Variants in SLC28A3 observed in about 807,000 individuals in gnomAD.
SLC28A3 encodes solute carrier family 28 member 3.
SLC28A3 carries 68 observed loss-of-function variants against 84.2 expected under a neutral mutation model. That is an observed-to-expected ratio of 0.81 (90% CI 0.66 to 0.99). The LOEUF (loss-of-function observed/expected upper bound fraction) is 0.99. Among genes scored for constraint, SLC28A3 ranks in the 50% least tolerant of loss-of-function variants. The probability of loss-of-function intolerance (pLI) is 0.00; values close to 1 mark genes in which losing one functional copy is unlikely to be tolerated. For synonymous variants in SLC28A3, 267 were observed against 303.6 expected, an observed-to-expected ratio of 0.88 and a Z score of 1.25; for missense variants, 712 against 841.5, an observed-to-expected ratio of 0.85 and a Z score of 1.90.
Position 84,290,285 on chromosome 9 carries a change from G to A in SLC28A3, c.1024-6C>T. The A allele has an allele frequency of 1.2e-6, 2 of 1,613,736 alleles. No individual in the cohort carries two copies. The highest frequency in any genetic ancestry group is 1.7e-6 in the Non-Finnish European group (2 of 1,179,770). ...ACCAGCAGTGGAGACTCCGTCTGGAGACAAAGAAGGGTGACCAGATTCCTT... is the reference window on the plus strand; with the variant it reads ...ACCAGCAGTGGAGACTCCGTCTGGAAACAAAGAAGGGTGACCAGATTCCTT... On this transcript the variant is annotated splice_polypyrimidine_tract_variant and splice_region_variant and intron_variant, in intron 10 of 17. Transcript: ENST00000376238.
At position 84,292,756 on chromosome 9, in the gene SLC28A3, G is replaced by T; in HGVS notation, c.943-8C>A. On this transcript the variant is annotated splice_region_variant and splice_polypyrimidine_tract_variant and intron_variant, in intron 9 of 17. Transcript: ENST00000376238. Reference sequence around the variant, plus strand: ...TAGCATGATCCATCCAACCTAAAAGGAAGAAAGGGACAAAGTCAGCAAAGA... The same window carrying T: ...TAGCATGATCCATCCAACCTAAAAGTAAGAAAGGGACAAAGTCAGCAAAGA... 6.5e-7 allele frequency: 1 copy of T among 1,540,838 alleles called. No individual in the cohort carries two copies.
At chr9:84,319,687 G>A (rs948288167) in intron 1 of SLC28A3, among the ~76,000 whole-genome samples, 2 of 151,994 alleles carry the variant, frequency 1.3e-5, no homozygotes, top group East Asian at 1.9e-4. Flanking sequence ...CTAGTTTCCC[G>A]TTACTGTTCC....
intron 1 of SLC28A3, among the ~76,000 whole-genome samples, chr9:84,324,531 C>A (rs772453564): frequency 6.6e-6 from 1 of 151,784 alleles, no homozygotes; most frequent in South Asian, 2.1e-4. Flanking sequence ...ATAGTCCCAG[C>A]TACTTGGGAG....
intron 13 of SLC28A3, 37 bp from the exon 14 acceptor site, chr9:84,285,579 T>TTAGAAA (rs779021218): frequency 2.5e-6 from 4 of 1,610,218 alleles, no homozygotes; most frequent in Non-Finnish European, 3.4e-6. Flanking sequence ...ATTAGAATAG[T>TTAGAAA]GATTTGCTTT....
At chr9:84,285,125 A>T (rs1177990467) in intron 14 of SLC28A3, among the ~76,000 whole-genome samples, 1 of 152,258 alleles carries the variant, frequency 6.6e-6, no homozygotes, top group Non-Finnish European at 1.5e-5. Context: ...GGCAATGATT[A>T]GCTGTGTCTA....
intron 13 of SLC28A3, 101 bp from the exon 14 acceptor site, chr9:84,285,643 G>T: frequency 2.4e-6 from 3 of 1,256,982 alleles, no homozygotes; most frequent in Non-Finnish European, 1.1e-6. Context: ...TCTCCTTTAG[G>T]CAAAGAAATT....
chr9:84,284,246 A>T (rs1564145534), intron 14 of SLC28A3, among the ~76,000 whole-genome samples: 1 of 152,210 alleles, frequency 6.6e-6, no homozygotes, highest in African/African-American at 2.4e-5. Flanking sequence ...CAATGAGGAT[A>T]ATTGGCCAAG....
At chr9:84,331,609 C>T (rs1479560573) in intron 1 of SLC28A3, among the ~76,000 whole-genome samples, 1 of 152,102 alleles carries the variant, frequency 6.6e-6, no homozygotes, top group Non-Finnish European at 1.5e-5. Context: ...CAGCCTAGTC[C>T]TCTCCCAAGA....
the SLC28A3 span, among the ~76,000 whole-genome samples, chr9:84,358,258 G>T: frequency 6.6e-6 from 1 of 152,146 alleles, no homozygotes; most frequent in African/African-American, 2.4e-5. Context: ...GTGGCCGTGG[G>T]CTGCACAGCC....
At chr9:84,278,767 T>C (rs577874975) in intron 17 of SLC28A3, among the ~76,000 whole-genome samples, 25 of 152,070 alleles carry the variant, frequency 1.6e-4, no homozygotes, top group African/African-American at 5.5e-4. Context: ...AGGGTAGCAG[T>C]TAAGGGCATA....
intron 12 of SLC28A3, among the ~76,000 whole-genome samples, chr9:84,287,594 A>T (rs1825042823): frequency 1.3e-5 from 2 of 152,104 alleles, no homozygotes; most frequent in Admixed American, 6.6e-5. Flanking sequence ...GTATTAAACA[A>T]GATTTTGGCC....
At position 84,313,380 on chromosome 9, in the gene SLC28A3, C is replaced by T. The variant is rs372713666; in HGVS notation, c.135G>A (p.Arg45=). ...GTACCTGTTTGGTGTTTGTGTGCTC[C>T]CTGCTTTGCACAGCTCTGCTTCTTA... The part of the protein sequence containing the change: ...NSIRSRAVQS[R]EHTNTKQDEE... The change falls in exon 2 of 18, where the codon AGG becomes AGA. Residue 45 remains arginine (R), a synonymous_variant. Transcript: ENST00000376238. The T allele has an allele frequency of 3.1e-6, 5 of 1,614,050 alleles. No homozygotes were observed. The highest frequency in any genetic ancestry group is 3.4e-6 in the Non-Finnish European group (4 of 1,179,980).
chr9:84,343,626 A>G (rs549723748), upstream of SLC28A3, among the ~76,000 whole-genome samples: 8 of 152,348 alleles, frequency 5.3e-5, no homozygotes, highest in African/African-American at 1.9e-4. Context: ...GTTGAAAAAA[A>G]TTAAAAGGAA....
At chr9:84,352,898 A>C in the SLC28A3 span, among the ~76,000 whole-genome samples, 1 of 151,004 alleles carries the variant, frequency 6.6e-6, no homozygotes, top group African/African-American at 2.4e-5. Flanking sequence ...GTCTCAAAAA[A>C]AAAAAAAAAA....
chr9:84,303,535 G>A (rs956103672), intron 4 of SLC28A3, among the ~76,000 whole-genome samples: 40 of 152,148 alleles, frequency 2.6e-4, no homozygotes, highest in African/African-American at 8.9e-4. Flanking sequence ...GGTTAGGCTG[G>A]TCTTGAACTC....
At chr9:84,311,107 C>T (rs975006107) in intron 2 of SLC28A3, among the ~76,000 whole-genome samples, 2 of 152,120 alleles carry the variant, frequency 1.3e-5, no homozygotes, top group Non-Finnish European at 2.9e-5. Flanking sequence ...AGGTCACTTC[C>T]TCACACCCTG....
At chr9:84,314,321 ACTGGACCTGT>A (rs1022334446) in intron 1 of SLC28A3, among the ~76,000 whole-genome samples, 1 of 152,116 alleles carries the variant, frequency 6.6e-6, no homozygotes, top group Non-Finnish European at 1.5e-5. Flanking sequence ...AGTGACAAAC[ACTGGACCTGT>A]CTCCTGTCTC....
chr9:84,314,162 T>G (rs1160641369), intron 1 of SLC28A3, among the ~76,000 whole-genome samples: 3 of 152,184 alleles, frequency 2.0e-5, no homozygotes, highest in Non-Finnish European at 2.9e-5. Context: ...AATGGGTTTT[T>G]TTTGGTTTAA....
chr9:84,313,711 A>G (rs13291737), intron 1 of SLC28A3, among the ~76,000 whole-genome samples: 24,920 of 151,664 alleles, frequency 0.16, 2,116 homozygotes, highest in East Asian at 0.19. Flanking sequence ...CCTGGGCAAA[A>G]TCCTGTGTCT....
Sources: gnomAD v4.1 joint callset for allele counts (sites outside exome capture counted in the v4.1 genomes callset) on GRCh38, gnomAD v4.1.1 for gene constraint, MANE v1.5 for transcripts, NCBI Gene and HGNC (gene_info 2026-07-23, HGNC 2026-07-21) for gene names.